The following SPAG17 variants were observed in gnomAD, a reference collection of about 807,000 sequenced individuals.
SPAG17 encodes the protein sperm-associated antigen 17.
In SPAG17, 169 loss-of-function variants were observed where a neutral mutation model predicts 273.6. The ratio of observed to expected loss-of-function variants is 0.62; its 90% CI spans 0.55 to 0.70. SPAG17 has a LOEUF of 0.70. Among genes scored for constraint, SPAG17 ranks in the 30% least tolerant of loss-of-function variants. SPAG17 has a pLI of 0.00. For synonymous variants in SPAG17, 825 were observed against 873.2 expected, an observed-to-expected ratio of 0.94 and a Z score of 0.97; for missense variants, 2,557 against 2,627.8, an observed-to-expected ratio of 0.97 and a Z score of 0.59.
chr1:117,955,374 C>A, intron 48 of SPAG17: 3 of 1,609,586 alleles, frequency 1.9e-6, no homozygotes, highest in Admixed American at 1.7e-5. Flanking sequence ...TGAGTCCTTG[C>A]GCACAATTTT....
chr1:118,076,301 G>GTT (rs1654085705), intron 15 of SPAG17: 3 of 152,088 alleles, frequency 2.0e-5, no homozygotes, highest in Non-Finnish European at 4.4e-5. Flanking sequence ...ACAGGCCAGT[G>GTT]TTTTTCTTTC....
At chr1:118,175,021 CTTATTTATTTAT>C (rs5777342) in intron 1 of SPAG17, among the ~76,000 whole-genome samples, 1 of 150,584 alleles carries the variant, frequency 6.6e-6, no homozygotes, top group Non-Finnish European at 1.5e-5. Context: ...GAAGGGGACT[CTTATTTATTTAT>C]TTATTTATTT....
intron 3 of SPAG17, among the ~76,000 whole-genome samples, chr1:118,147,176 T>G (rs1031100145): frequency 6.6e-6 from 1 of 152,218 alleles, no homozygotes; most frequent in Admixed American, 6.5e-5. Flanking sequence ...GGTTAGAGTC[T>G]TTGCTTCTTG....
chr1:118,053,037 T>G (rs1338743757), intron 20 of SPAG17, among the ~76,000 whole-genome samples: 1 of 152,020 alleles, frequency 6.6e-6, no homozygotes, highest in Non-Finnish European at 1.5e-5. Flanking sequence ...TATATGTAGT[T>G]ATGTAGGATG....
chr1:118,068,210 T>C (rs953772868), intron 17 of SPAG17, among the ~76,000 whole-genome samples: 1 of 151,670 alleles, frequency 6.6e-6, no homozygotes, highest in Non-Finnish European at 1.5e-5. Context: ...TTGCTTTCAA[T>C]TCTACATTGG....
chr1:118,140,368 G>A (rs1024243714), intron 3 of SPAG17, among the ~76,000 whole-genome samples: 1 of 152,170 alleles, frequency 6.6e-6, no homozygotes, highest in Middle Eastern at 3.4e-3. Context: ...CACAAAAAAT[G>A]TTAAATGTTT....
At chr1:118,082,420 C>G (rs1654657126) in intron 13 of SPAG17, among the ~76,000 whole-genome samples, 1 of 152,074 alleles carries the variant, frequency 6.6e-6, no homozygotes, top group Non-Finnish European at 1.5e-5. Flanking sequence ...TTCTCTCCAG[C>G]AAAGATGAGA....
intron 3 of SPAG17, 164 bp downstream of exon 3, chr1:118,150,376 AAGG>A (rs1558048039): frequency 1.2e-5 from 5 of 407,386 alleles, no homozygotes; most frequent in Non-Finnish European, 4.4e-6. Context: ...AAAATTTTAA[AAGG>A]AGGCAGATTT....
intron 1 of SPAG17, among the ~76,000 whole-genome samples, chr1:118,161,692 C>T (rs866177514): frequency 5.9e-5 from 9 of 152,122 alleles, no homozygotes; most frequent in African/African-American, 2.2e-4. Flanking sequence ...CGCCCGCCCC[C>T]ACCTGGCTAA....
chr1:117,975,737 G>A (rs1198489617), intron 43 of SPAG17, among the ~76,000 whole-genome samples: 1 of 152,180 alleles, frequency 6.6e-6, no homozygotes, highest in Non-Finnish European at 1.5e-5. Flanking sequence ...TCAGTGATCA[G>A]TGTTTTTATG....
intron 4 of SPAG17, among the ~76,000 whole-genome samples, chr1:118,103,345 G>T (rs941431274): frequency 6.6e-6 from 1 of 152,108 alleles, no homozygotes; most frequent in African/African-American, 2.4e-5. Context: ...ATTTCAATGA[G>T]AATGGAAGTT....
chr1:118,151,530 G>C (rs772615420), intron 1 of SPAG17, among the ~76,000 whole-genome samples, 161 bp from the exon 2 acceptor site: 6 of 152,248 alleles, frequency 3.9e-5, no homozygotes, highest in Non-Finnish European at 8.8e-5. Flanking sequence ...GTAGCCGCAA[G>C]GCGGCAGTAT....
chr1:118,065,539 T>C (rs1049847148), intron 18 of SPAG17, among the ~76,000 whole-genome samples: 3 of 152,124 alleles, frequency 2.0e-5, no homozygotes, highest in Admixed American at 2.0e-4. Context: ...TGCCCATGAA[T>C]ACACATGTAA....
intron 20 of SPAG17, among the ~76,000 whole-genome samples, chr1:118,048,127 G>A (rs1650577320): frequency 6.6e-6 from 1 of 152,138 alleles, no homozygotes. Context: ...AGGCTCCAGT[G>A]GACCCAGGCT....
At chr1:118,119,584 A>G (rs1268713146) in intron 3 of SPAG17, among the ~76,000 whole-genome samples, 3 of 152,218 alleles carry the variant, frequency 2.0e-5, no homozygotes. Flanking sequence ...CTTCATATTC[A>G]ACCTATTTTG....
intron 1 of SPAG17, among the ~76,000 whole-genome samples, chr1:118,162,667 C>T (rs1162425393): frequency 1.3e-5 from 2 of 152,176 alleles, no homozygotes; most frequent in East Asian, 1.9e-4. Context: ...TGGGTACCTA[C>T]GTTGCATGTG....
chr1:118,144,835 T>C (rs887294878), intron 3 of SPAG17, among the ~76,000 whole-genome samples: 2 of 152,126 alleles, frequency 1.3e-5, no homozygotes, highest in Non-Finnish European at 2.9e-5. Flanking sequence ...GAAAATCACG[T>C]TGGCCAGGCT....
intron 4 of SPAG17, 88 bp from the exon 5 acceptor site, chr1:118,102,014 A>C: frequency 1.1e-5 from 12 of 1,092,370 alleles, no homozygotes; most frequent in South Asian, 2.9e-5. Context: ...TCTTCATCTC[A>C]TTCAATCACT....
At chr1:118,098,691 T>C (rs1256044340) in intron 6 of SPAG17, among the ~76,000 whole-genome samples, 1 of 152,054 alleles carries the variant, frequency 6.6e-6, no homozygotes. Flanking sequence ...TTTTGTAAAA[T>C]GGAAACAATA....
Sources: gnomAD v4.1 joint callset for allele counts (sites outside exome capture counted in the v4.1 genomes callset) on GRCh38, gnomAD v4.1.1 for gene constraint, MANE v1.5 for transcripts, NCBI Gene and HGNC (gene_info 2026-07-23, HGNC 2026-07-21) for gene names.